DAAM2: variants seen among roughly 807,000 people sequenced by gnomAD.
DAAM2 encodes the protein dishevelled associated activator of morphogenesis 2.
In DAAM2, 39 loss-of-function variants were observed where a neutral mutation model predicts 120.7. That is an observed-to-expected ratio of 0.32 (90% CI 0.25 to 0.42). The LOEUF is 0.42. Ranked by LOEUF, DAAM2 falls within the 10% of genes least tolerant of loss-of-function variation. The pLI is 1.00. For synonymous variants in DAAM2, 488 were observed against 524.9 expected, an observed-to-expected ratio of 0.93 and a Z score of 0.96; for missense variants, 1,283 against 1,401.7, an observed-to-expected ratio of 0.92 and a Z score of 1.35.
intron 15 of DAAM2, chr6:39,887,224 A>C (rs3003943): frequency 0.6 from 234,147 of 387,404 alleles, 71,969 homozygotes; most frequent in East Asian, 0.76. Flanking sequence ...ATTTCTAAAA[A>C]AAATCTCTAA....
In DAAM2 at chr6:39,904,587, T is replaced by C. The variant is rs756703068; in HGVS notation, c.*2550T>C. On this transcript the variant is annotated 3_prime_UTR_variant, in exon 25 of 25. Coordinates refer to ENST00000274867, the MANE Select transcript of DAAM2 (RefSeq NM_001201427.2). ...TTTCTCCCCTGTGATGGAAATAAAGTGTTTAGGGCAGTGGGAGGAGAAAAT... is the reference window on the plus strand; with the variant it reads ...TTTCTCCCCTGTGATGGAAATAAAGCGTTTAGGGCAGTGGGAGGAGAAAAT... 9.0e-6 allele frequency: 4 copies of C among 443,040 alleles called. No individual in the cohort carries two copies. The highest frequency in any genetic ancestry group is 4.4e-5 in the African/African-American group (2 of 45,404). The allele number at this position is 443,040 out of a possible 1,614,324, so 27.4% of individuals were successfully genotyped here.
At chr6:39,869,753 CTTTTTTTTTTTTTT>C (rs531295826) in intron 7 of DAAM2, among the ~76,000 whole-genome samples, 3 of 102,020 alleles carry the variant, frequency 2.9e-5, no homozygotes, top group Admixed American at 1.1e-4. Flanking sequence ...CGCCAGCATA[CTTTTTTTTTTTTTT>C]TTTTTTTTTT....
intron 1 of DAAM2, among the ~76,000 whole-genome samples, chr6:39,799,437 A>G (rs1361989216): frequency 1.3e-5 from 2 of 152,218 alleles, no homozygotes; most frequent in Non-Finnish European, 2.9e-5. Context: ...TGACTACAGA[A>G]TGTGTTGCAT....
chr6:39,828,626 G>A (rs186657664), intron 1 of DAAM2, among the ~76,000 whole-genome samples: 1 of 150,160 alleles, frequency 6.7e-6, no homozygotes, highest in Non-Finnish European at 1.5e-5. Flanking sequence ...GCAATGGTGC[G>A]ATCTCAGCTC....
intron 11 of DAAM2, 57 bp downstream of exon 11, chr6:39,875,525 C>T: frequency 1.3e-6 from 2 of 1,572,668 alleles, no homozygotes; most frequent in Non-Finnish European, 1.7e-6. Context: ...CACTCTCCCA[C>T]TCTGGTCTCA....
chr6:39,877,284 G>T (rs1364468355), intron 11 of DAAM2, among the ~76,000 whole-genome samples: 1 of 152,196 alleles, frequency 6.6e-6, no homozygotes, highest in Non-Finnish European at 1.5e-5. Flanking sequence ...TGCTGGCAGG[G>T]CCCCACACAG....
In DAAM2 at chr6:39,879,309, C is replaced by T. The variant is rs1765013456; in HGVS notation, c.1677C>T (p.Pro559=). 7.7e-6 allele frequency: 12 copies of T among 1,561,404 alleles called. No individual in the cohort carries two copies. Among genetic ancestry groups the T allele is most frequent in the Admixed American group, 1.8e-5 (1 of 57,022 alleles). Residue 559 remains proline (P), a synonymous_variant, in exon 14 of 25, where the codon CCC becomes CCT. Transcript: ENST00000274867. The part of the protein sequence containing the change: ...FACCPPPPPP[P]LPPGGPPTPP... Reference sequence around the variant, plus strand: ...GTTGTCCCCCTCCCCCACCACCACCCCTTCCTCCCGGGGGACCCCCGACTC... The same window carrying T: ...GTTGTCCCCCTCCCCCACCACCACCTCTTCCTCCCGGGGGACCCCCGACTC...
At chr6:39,833,972 C>G (rs1763011308) in intron 1 of DAAM2, among the ~76,000 whole-genome samples, 1 of 152,168 alleles carries the variant, frequency 6.6e-6, no homozygotes. Context: ...TTAGAGAAGT[C>G]AAGCAACTTT....
At chr6:39,867,350 A>G in intron 5 of DAAM2, 160 bp from the exon 6 acceptor site, 1 of 635,616 alleles carries the variant, frequency 1.6e-6, no homozygotes, top group Non-Finnish European at 2.7e-6. Flanking sequence ...TTTTGTGAAG[A>G]TGATAGGATT....
rs535379977 is a variant in DAAM2 at position 39,813,580 on chromosome 6, C to G, written c.-57+21115C>G. ...TTGCTTTTTTTAAAAAAAATTCTCT[C>G]CTTTATTATAAAAGAAACATGGATT... On this transcript the variant is annotated intron_variant, in intron 1 of 24. Coordinates refer to ENST00000274867, the MANE Select transcript of DAAM2 (RefSeq NM_001201427.2). Among the ~76,000 whole-genome samples the G allele has an allele frequency of 3.5e-5, 5 of 142,156 alleles. No individual in the cohort carries two copies. The East Asian group carries it at 1.1e-3, about 31-fold the overall frequency. The allele number at this position is 142,156 out of a possible 152,430, so 93.3% of individuals were successfully genotyped here.
rs546404999 is a variant in DAAM2 at position 39,850,939 on chromosome 6, C to A, written c.-56-5308C>A. Among the ~76,000 whole-genome samples, 3 of 152,292 alleles carry A rather than the reference C, an allele frequency of 2.0e-5. No individual in the cohort carries two copies. In the South Asian group the frequency reaches 6.2e-4, roughly 32 times the overall value. ...AGTCAGCTTTGGTTCTGTGACAAGACCACTAGGCTTAGAGTAAGAATACTT... is the reference window on the plus strand; with the variant it reads ...AGTCAGCTTTGGTTCTGTGACAAGAACACTAGGCTTAGAGTAAGAATACTT... On this transcript the variant is annotated intron_variant, in intron 1 of 24. Transcript: ENST00000274867.
At position 39,875,411 on chromosome 6, in the gene DAAM2, G is replaced by A; in HGVS notation, c.1244G>A (p.Gly415Asp). 6.2e-7 allele frequency: 1 copy of A among 1,613,994 alleles called. No individual in the cohort carries two copies. The highest frequency in any genetic ancestry group is 1.3e-5 in the African/African-American group (1 of 75,044). ...CAGATTGTCCTCCAGGATGAGCGGG[G>A]TGTGGACCCTGACCTGGCTCCCTTG... Reference protein sequence around the residue: ...LQQIVLQDERGVDPDLAPLEN... With the variant: ...LQQIVLQDERDVDPDLAPLEN... The change falls in exon 11 of 25, where the codon GGT becomes GAT. Residue 415 changes from glycine to aspartate, a missense_variant. Transcript: ENST00000274867.
In DAAM2 at chr6:39,904,583, A is replaced by AAATG. The variant is rs1491560446; in HGVS notation, c.*2548_*2549insTGAA. On this transcript the variant is annotated 3_prime_UTR_variant, in exon 25 of 25. Transcript: ENST00000274867. ...AGCATTTCTCCCCTGTGATGGAAAT[A>AAATG]AAGTGTTTAGGGCAGTGGGAGGAGA... 2 of 454,240 alleles carry AAATG rather than the reference A, an allele frequency of 4.4e-6. No individual in the cohort carries two copies. Among genetic ancestry groups the AAATG allele is most frequent in the East Asian group, 1.4e-4 (2 of 14,382 alleles). The allele number at this position is 454,240 out of a possible 1,614,324, so 28.1% of individuals were successfully genotyped here.
chr6:39,884,022 G>C lies in DAAM2; in HGVS notation c.1906G>C (p.Asp636His). ...IDDMQVFRIL[D>H]LEDFEKMFSA... ...TGACATGCAGGTATTTCGGATCCTG[G>C]ACCTAGAGGATTTTGAAAAGATGTT... Residue 636 changes from aspartate to histidine, a missense_variant, in exon 15 of 25, where the codon GAC (aspartate) becomes CAC (histidine). Transcript: ENST00000274867. 1 of 1,613,358 alleles carries C rather than the reference G, an allele frequency of 6.2e-7. No homozygotes were observed. The highest frequency in any genetic ancestry group is 8.5e-7 in the Non-Finnish European group (1 of 1,179,508).
At chr6:39,832,396 T>C (rs2114207233) in intron 1 of DAAM2, among the ~76,000 whole-genome samples, 1 of 151,994 alleles carries the variant, frequency 6.6e-6, no homozygotes, top group South Asian at 2.1e-4. Context: ...CCCTTCCTTT[T>C]GTCTATCTGG....
chr6:39,832,503 G>A (rs1227242714), intron 1 of DAAM2, among the ~76,000 whole-genome samples: 1 of 152,138 alleles, frequency 6.6e-6, no homozygotes, highest in Non-Finnish European at 1.5e-5. Context: ...CATGAATAAC[G>A]ACACTCAGCT....
At chr6:39,811,336 G>A (rs1037724163) in intron 1 of DAAM2, among the ~76,000 whole-genome samples, 2 of 152,018 alleles carry the variant, frequency 1.3e-5, no homozygotes, top group African/African-American at 2.4e-5. Context: ...CTCTGCCTCC[G>A]CCATTGCAAG....
intron 1 of DAAM2, among the ~76,000 whole-genome samples, chr6:39,805,136 C>G (rs1761972810): frequency 6.6e-6 from 1 of 152,164 alleles, no homozygotes; most frequent in African/African-American, 2.4e-5. Flanking sequence ...TGCATTTTCA[C>G]CAGAACAACA....
intron 4 of DAAM2, 62 bp from the exon 5 acceptor site, chr6:39,864,918 A>T: frequency 6.4e-7 from 1 of 1,555,738 alleles, no homozygotes; most frequent in Non-Finnish European, 8.7e-7. Context: ...CCTGGGTCAC[A>T]CCTGAGCTGT....
Sources: allele counts gnomAD v4.1 joint callset (sites outside exome capture counted in the v4.1 genomes callset), GRCh38; gene constraint gnomAD v4.1.1; transcripts MANE v1.5; gene names NCBI Gene and HGNC (gene_info 2026-07-23, HGNC 2026-07-21).